ZNF551: variants seen among roughly 807,000 people sequenced by gnomAD.
ZNF551 encodes KOX 23 protein (56 AA).
In ZNF551, 5 loss-of-function variants were observed where a neutral mutation model predicts 7.9. The ratio of observed to expected loss-of-function variants is 0.63; its 90% CI spans 0.33 to 1.33. ZNF551 has a LOEUF of 1.33. Among genes scored for constraint, ZNF551 ranks in the 40% most tolerant of loss-of-function variants. ZNF551 has a pLI of 0.05. For synonymous variants in ZNF551, 287 were observed against 277.3 expected (o/e 1.03, Z -0.35); for missense variants, 788 against 825.2 (o/e 0.95, Z 0.55).
In ZNF551 at chr19:57,687,552, A is replaced by G. The variant is rs765386881; in HGVS notation, c.1277A>G (p.Lys426Arg). The G allele has an allele frequency of 1.9e-6, 3 of 1,614,204 alleles. No individual in the cohort carries two copies. The highest frequency in any genetic ancestry group is 1.3e-5 in the African/African-American group (1 of 75,050). ...EMPYQCSDCGKSFSCKSELIQ... is the reference protein window; with the variant it reads ...EMPYQCSDCGRSFSCKSELIQ... ...CCTTATCAGTGCAGTGATTGTGGGA[A>G]ATCTTTTAGCTGCAAATCGGAACTC... Residue 426 changes from lysine (K) to arginine (R), a missense_variant, in exon 3 of 3, where the codon AAA becomes AGA. By Grantham distance (26) the Lys-to-Arg change is conservative (BLOSUM62 2). Coordinates refer to ENST00000282296, the MANE Select transcript of ZNF551 (RefSeq NM_138347.5).
At chr19:57,685,612 A>G (rs1984530678) in intron 2 of ZNF551, among the ~76,000 whole-genome samples, 2 of 152,168 alleles carry the variant, frequency 1.3e-5, no homozygotes, top group South Asian at 4.1e-4. Flanking sequence ...GCATTGTCAT[A>G]GTTACTACTT....
In ZNF551 at chr19:57,685,402, C is replaced by T; in HGVS notation, c.205+17C>T. The stretch of plus-strand genomic sequence containing the variant: ...CATCCCTGGGTAAGGCCCTAGCATC[C>T]CTCCGAGTGTCTGCTTTTCTTTTTG... On this transcript the variant is annotated intron_variant, in intron 2 of 2. Coordinates refer to ENST00000282296, the MANE Select transcript of ZNF551 (RefSeq NM_138347.5). 6.2e-7 allele frequency: 1 copy of T among 1,613,932 alleles called. No individual in the cohort carries two copies. The highest frequency in any genetic ancestry group is 8.5e-7 in the Non-Finnish European group (1 of 1,179,922).
At position 57,682,261 on chromosome 19, in the gene ZNF551, C is replaced by A; in HGVS notation, c.81+17C>A. ...TCGGCTCAGGTGAGTTGTGCGTCCT[C>A]CGGGTCTCGCCTACCTCCCCCAGCA... On this transcript the variant is annotated intron_variant, in intron 1 of 2. Coordinates refer to ENST00000282296, the MANE Select transcript of ZNF551 (RefSeq NM_138347.5). The A allele has an allele frequency of 6.5e-7, 1 of 1,548,900 alleles. No individual in the cohort carries two copies. The highest frequency in any genetic ancestry group is 1.2e-5 in the South Asian group (1 of 83,944).
chr19:57,685,178 G>C (rs1420684491), intron 1 of ZNF551, 84 bp from the exon 2 acceptor site: 2 of 1,569,052 alleles, frequency 1.3e-6, no homozygotes, highest in African/African-American at 1.4e-5. Context: ...GTGGGCAATA[G>C]GGTGACCTGG....
rs1161542850 is a variant in ZNF551 at position 57,689,152 on chromosome 19, C to A, written c.*864C>A. On this transcript the variant is annotated 3_prime_UTR_variant, in exon 3 of 3. Transcript: ENST00000282296. ...ATGAAAAGGAGGCAGTTGTGACAAT[C>A]CCCAGTGCTTCTGTGAACGTGAATT... 6.6e-6 allele frequency: 1 copy of A among 152,218 alleles called. No individual in the cohort carries two copies. The highest frequency in any genetic ancestry group is 6.5e-5 in the Admixed American group (1 of 15,290). The allele number at this position is 152,218 out of a possible 1,614,324, so 9.4% of individuals were successfully genotyped here.
intron 2 of ZNF551, 198 bp downstream of exon 2, chr19:57,685,583 C>A (rs1409190780): frequency 2.7e-6 from 2 of 744,710 alleles, no homozygotes; most frequent in Admixed American, 4.6e-5. Context: ...CTTATGTCCA[C>A]CTATATCAGA....
intron 1 of ZNF551, 71 bp from the exon 2 acceptor site, chr19:57,685,191 A>G: frequency 6.3e-7 from 1 of 1,583,776 alleles, no homozygotes; most frequent in Non-Finnish European, 8.6e-7. Flanking sequence ...TGACCTGGGG[A>G]TGGATGTTGG....
Position 57,687,250 on chromosome 19 carries a change from C to T in ZNF551, c.975C>T (p.His325=). The part of the protein sequence containing the change: ...AFIHKSEFIH[H]QRRHTGGVRH... ...TCCATAAATCTGAATTCATTCACCA[C>T]CAGAGACGTCACACTGGAGGAGTGC... Residue 325 remains histidine, a synonymous_variant, in exon 3 of 3, where the codon CAC becomes CAT. Coordinates refer to ENST00000282296, the MANE Select transcript of ZNF551 (RefSeq NM_138347.5). The T allele has an allele frequency of 6.2e-7, 1 of 1,614,132 alleles. No homozygotes were observed. Among genetic ancestry groups the T allele is most frequent in the Non-Finnish European group, 8.5e-7 (1 of 1,180,016 alleles).
At chr19:57,685,422 T>A (rs757201975) in intron 2 of ZNF551, 37 bp downstream of exon 2, 3 of 1,613,648 alleles carry the variant, frequency 1.9e-6, no homozygotes, top group Non-Finnish European at 2.5e-6. Flanking sequence ...TCTGCTTTTC[T>A]TTTTGACCCC....
intron 1 of ZNF551, 148 bp from the exon 2 acceptor site, chr19:57,685,114 A>C: frequency 1.0e-6 from 1 of 967,206 alleles, no homozygotes; most frequent in East Asian, 2.4e-5. Flanking sequence ...TATCAGTGGA[A>C]CTGTGGGGAG....
rs1748085920 is a variant in ZNF551 at position 57,685,568 on chromosome 19, AT to A, written c.205+186del. On this transcript the variant is annotated intron_variant, in intron 2 of 2. Coordinates refer to ENST00000282296, the MANE Select transcript of ZNF551 (RefSeq NM_138347.5). Reference sequence around the variant, plus strand: ...TTTCTGCCCTTTTCCTCTAGCTGCCATTTCCTTATGTCCACCTATATCAGAA... The same window carrying A: ...TTTCTGCCCTTTTCCTCTAGCTGCCATTCCTTATGTCCACCTATATCAGAA... The A allele has an allele frequency of 1.4e-5, 12 of 837,180 alleles. No homozygotes were observed. In the South Asian group the frequency reaches 1.5e-4, roughly 10 times the overall value. 51.9% of individuals were successfully genotyped at this position (837,180 alleles called of 1,614,324 possible).
intron 1 of ZNF551, among the ~76,000 whole-genome samples, chr19:57,682,528 C>T (rs898546852): frequency 1.1e-4 from 17 of 152,116 alleles, no homozygotes; most frequent in Non-Finnish European, 2.2e-4. Context: ...TTGCACCTGA[C>T]GAATTTGACG....
Position 57,686,857 on chromosome 19 carries a change from C to G in ZNF551, c.582C>G (p.Leu194=), listed in dbSNP as rs746181211. 6.2e-7 allele frequency: 1 copy of G among 1,614,202 alleles called. No individual in the cohort carries two copies. Among genetic ancestry groups the G allele is most frequent in the Admixed American group, 1.7e-5 (1 of 60,026 alleles). The change falls in exon 3 of 3, where the codon CTC becomes CTG. Residue 194 remains leucine (L), a synonymous_variant. Transcript: ENST00000282296. ...GEAFPAPTDL[L]QHEATPSGEE... Reference sequence around the variant, plus strand: ...CCTTCCCAGCCCCCACGGACCTACTCCAACACGAAGCCACTCCCAGTGGTG... The same window carrying G: ...CCTTCCCAGCCCCCACGGACCTACTGCAACACGAAGCCACTCCCAGTGGTG...
rs755952758 is a variant in ZNF551 at position 57,688,125 on chromosome 19, G to A, written c.1850G>A (p.Cys617Tyr). The change falls in exon 3 of 3, where the codon TGC (cysteine) becomes TAC (tyrosine). Residue 617 changes from cysteine to tyrosine, a missense_variant. By Grantham distance (194) the Cys-to-Tyr change is radical (BLOSUM62 -2). Transcript: ENST00000282296. The part of the protein sequence containing the change: ...RGHTGERPYE[C>Y]SQCGKPFTHK... ...CACACTGGAGAAAGACCTTATGAGT[G>A]CAGTCAATGTGGGAAACCCTTTACC... 6.2e-7 allele frequency: 1 copy of A among 1,614,090 alleles called. No homozygotes were observed. Among genetic ancestry groups the A allele is most frequent in the South Asian group, 1.1e-5 (1 of 91,082 alleles).
At position 57,688,386 on chromosome 19, in the gene ZNF551, G is replaced by T; in HGVS notation, c.*98G>T. The T allele has an allele frequency of 6.8e-7, 1 of 1,475,838 alleles. No homozygotes were observed. The highest frequency in any genetic ancestry group is 1.8e-4 in the Middle Eastern group (1 of 5,410). The allele number at this position is 1,475,838 out of a possible 1,614,324, so 91.4% of individuals were successfully genotyped here. A position where few individuals can be genotyped will look rare whatever the true frequency, so the allele number is the denominator to read the frequency against. On this transcript the variant is annotated 3_prime_UTR_variant, in exon 3 of 3. Transcript: ENST00000282296. ...AATTTAAACTTTGAGCACCCACAGTGGGGTATTCTTCATAAGTTTCAGGTA... is the reference window on the plus strand; with the variant it reads ...AATTTAAACTTTGAGCACCCACAGTTGGGTATTCTTCATAAGTTTCAGGTA...
chr19:57,688,508 C>T lies in ZNF551; in HGVS notation c.*220C>T. The T allele has an allele frequency of 1.6e-6, 1 of 623,738 alleles. No homozygotes were observed. The highest frequency in any genetic ancestry group is 2.7e-6 in the Non-Finnish European group (1 of 369,516). The allele number at this position is 623,738 out of a possible 1,614,324, so 38.6% of individuals were successfully genotyped here. Reference sequence around the variant, plus strand: ...CCAATTTCTGAGGCTGAAGCCATTTCACATTTCACCCCTACCACCTGGCAG... The same window carrying T: ...CCAATTTCTGAGGCTGAAGCCATTTTACATTTCACCCCTACCACCTGGCAG... On this transcript the variant is annotated 3_prime_UTR_variant, in exon 3 of 3. Transcript: ENST00000282296.
Position 57,682,116 on chromosome 19 carries a change from A to G in ZNF551, c.-48A>G. 1.3e-6 allele frequency: 2 copies of G among 1,527,114 alleles called. No individual in the cohort carries two copies. 94.6% of individuals were successfully genotyped at this position (1,527,114 alleles called of 1,614,324 possible). A position where few individuals can be genotyped will look rare whatever the true frequency, so the allele number is the denominator to read the frequency against. On this transcript the variant is annotated 5_prime_UTR_variant, in exon 1 of 3. Coordinates refer to ENST00000282296, the MANE Select transcript of ZNF551 (RefSeq NM_138347.5). The stretch of plus-strand genomic sequence containing the variant: ...AGTGGGCCAGAGGTTCTGCGACACC[A>G]CCTCGGGTGAGCTGCGCCAGGCCCG...
At position 57,688,475 on chromosome 19, in the gene ZNF551, T is replaced by TAA; in HGVS notation, c.*187_*188insAA. ...CTGCCGAGGCCTATAGCCTGATTTA[T>TAA]GTCACTGCCAATTTCTGAGGCTGAA... On this transcript the variant is annotated 3_prime_UTR_variant, in exon 3 of 3. Transcript: ENST00000282296. The TAA allele has an allele frequency of 1.3e-6, 1 of 777,310 alleles. No individual in the cohort carries two copies. Among genetic ancestry groups the TAA allele is most frequent in the Non-Finnish European group, 2.0e-6 (1 of 504,438 alleles). 48.2% of individuals were successfully genotyped at this position (777,310 alleles called of 1,614,324 possible). A position where few individuals can be genotyped will look rare whatever the true frequency, so the allele number is the denominator to read the frequency against.
chr19:57,688,409 G>T lies in ZNF551; in HGVS notation c.*121G>T, dbSNP rs1821113039. 9.5e-6 allele frequency: 13 copies of T among 1,366,040 alleles called. No homozygotes were observed. Among genetic ancestry groups the T allele is most frequent in the Non-Finnish European group, 1.2e-5 (12 of 1,008,816 alleles). The allele number at this position is 1,366,040 out of a possible 1,614,324, so 84.6% of individuals were successfully genotyped here. A position where few individuals can be genotyped will look rare whatever the true frequency, so the allele number is the denominator to read the frequency against. On this transcript the variant is annotated 3_prime_UTR_variant, in exon 3 of 3. Coordinates refer to ENST00000282296, the MANE Select transcript of ZNF551 (RefSeq NM_138347.5). ...GTGGGGTATTCTTCATAAGTTTCAG[G>T]TATGTGGGAAGCTCTGAGGAGGTTC...
Sources: gnomAD v4.1 joint callset for allele counts (sites outside exome capture counted in the v4.1 genomes callset) on GRCh38, gnomAD v4.1.1 for gene constraint, MANE v1.5 for transcripts, NCBI Gene and HGNC (gene_info 2026-07-23, HGNC 2026-07-21) for gene names.